Variants in MAP2K5 observed in about 807,000 individuals in gnomAD.
MAP2K5 encodes mitogen-activated protein kinase kinase 5, also known as dual specificity mitogen-activated protein kinase kinase 5.
A neutral mutation model predicts 83.1 loss-of-function variants in MAP2K5; 49 were observed. The ratio of observed to expected loss-of-function variants is 0.59; its 90% CI spans 0.47 to 0.75. MAP2K5 has a LOEUF of 0.75. Among genes scored for constraint, MAP2K5 ranks in the 30% least tolerant of loss-of-function variants. MAP2K5 has a pLI of 0.00. For missense variants in MAP2K5, 457 were observed against 557.5 expected, an observed-to-expected ratio of 0.82 and a Z score of 1.82; for synonymous variants, 202 against 191.8, an observed-to-expected ratio of 1.05 and a Z score of -0.44.
At chr15:67,566,450 A>G (rs1021125757) in intron 3 of MAP2K5, among the ~76,000 whole-genome samples, 5 of 152,230 alleles carry the variant, frequency 3.3e-5, no homozygotes, top group African/African-American at 1.2e-4. Flanking sequence ...TGCTGGGATT[A>G]CAGGCATGAG....
At chr15:67,574,736 G>C (rs1181351469) in intron 3 of MAP2K5, among the ~76,000 whole-genome samples, 1 of 151,472 alleles carries the variant, frequency 6.6e-6, no homozygotes, top group South Asian at 2.1e-4. Context: ...GCGTGGTGTC[G>C]GGCGCCTGTA....
At chr15:67,645,002 G>C (rs1406116777) in intron 9 of MAP2K5, among the ~76,000 whole-genome samples, 1 of 151,212 alleles carries the variant, frequency 6.6e-6, no homozygotes, top group Non-Finnish European at 1.5e-5. Flanking sequence ...ACAAAAATTA[G>C]CCAGGTGTGG....
intron 3 of MAP2K5, among the ~76,000 whole-genome samples, chr15:67,567,943 T>C (rs1208463928): frequency 6.6e-6 from 1 of 152,204 alleles, no homozygotes; most frequent in East Asian, 1.9e-4. Flanking sequence ...CCTCTTCTTT[T>C]GGGTGACCTT....
chr15:67,704,652 C>T (rs2088506533), intron 16 of MAP2K5, among the ~76,000 whole-genome samples: 1 of 152,130 alleles, frequency 6.6e-6, no homozygotes, highest in African/African-American at 2.4e-5. Flanking sequence ...AGAGGAAATA[C>T]AATATGTATG....
chr15:67,651,815 A>C (rs1216631333), intron 11 of MAP2K5, among the ~76,000 whole-genome samples: 7 of 152,212 alleles, frequency 4.6e-5, no homozygotes, highest in Non-Finnish European at 8.8e-5. Context: ...GTGCTGCAGT[A>C]AACATTAGAG....
Position 67,572,734 on chromosome 15 carries a change from C to G in MAP2K5, c.253-8020C>G, listed in dbSNP as rs989690585. On this transcript the variant is annotated intron_variant, in intron 3 of 21. Transcript: ENST00000178640. This position sits in a 1 kb window ranked among gnomAD's most constrained non-coding sequence, Gnocchi z 4.2. The stretch of plus-strand genomic sequence containing the variant: ...TTTTTTTTTGAGATGGAGTCTTGCT[C>G]TGTTGCCCAGGCTGGAGTGCAGTGG... 2.0e-5 allele frequency among the ~76,000 whole-genome samples: 3 copies of G among 151,564 alleles called. No homozygotes were observed. Among genetic ancestry groups the G allele is most frequent in the Non-Finnish European group, 4.4e-5 (3 of 67,952 alleles).
intron 16 of MAP2K5, among the ~76,000 whole-genome samples, chr15:67,709,780 G>T (rs1042993345): frequency 3.3e-5 from 5 of 152,140 alleles, no homozygotes; most frequent in Admixed American, 1.3e-4. Flanking sequence ...TTTTAAGTGG[G>T]TCCTTCTTGA....
At chr15:67,556,698 C>T (rs979347393) in intron 2 of MAP2K5, among the ~76,000 whole-genome samples, 52 of 151,972 alleles carry the variant, frequency 3.4e-4, no homozygotes, top group African/African-American at 1.2e-3. Flanking sequence ...ATTACAGGTG[C>T]CCACCACCAT....
Position 67,644,132 on chromosome 15 carries a change from G to A in MAP2K5, c.586-2099G>A, listed in dbSNP as rs181355562. ...AAACAAGCTGGGCACGGTGGCTCAC[G>A]CCTGTAATCCCAGCACTTTGGGAGG... is the stretch of plus-strand genomic sequence containing the variant. On this transcript the variant is annotated intron_variant, in intron 9 of 21. Coordinates refer to ENST00000178640, the MANE Select transcript of MAP2K5 (RefSeq NM_145160.3). This position sits in a 1 kb window ranked among gnomAD's most constrained non-coding sequence, Gnocchi z 4.6. Among the ~76,000 whole-genome samples the A allele has an allele frequency of 1.2e-3, 176 of 152,268 alleles. No individual in the cohort carries two copies. The highest frequency in any genetic ancestry group is 4.1e-3 in the African/African-American group (171 of 41,562).
chr15:67,772,313 C>T (rs1441485727), intron 20 of MAP2K5, among the ~76,000 whole-genome samples: 1 of 150,702 alleles, frequency 6.6e-6, no homozygotes, highest in Non-Finnish European at 1.5e-5. Flanking sequence ...ATCCCAATTA[C>T]CAAAAAAAAA....
rs2087364345 is a variant in MAP2K5, at chr15:67,665,869, T to C, written c.847+1224T>C. On this transcript the variant is annotated intron_variant, in intron 13 of 21. Transcript: ENST00000178640. The surrounding 1 kb of genome is among the most constrained non-coding windows in gnomAD (Gnocchi z 4.2). ...TTGGTGGATGAAAAAAAATTGAACA[T>C]TTTTGACTACCAAGAGTAAGAGATA... 6.6e-6 allele frequency among the ~76,000 whole-genome samples: 1 copy of C among 152,112 alleles called. No homozygotes were observed. The highest frequency in any genetic ancestry group is 6.6e-5 in the Admixed American group (1 of 15,262).
At chr15:67,651,589 T>C (rs2086955180) in intron 11 of MAP2K5, among the ~76,000 whole-genome samples, 1 of 152,204 alleles carries the variant, frequency 6.6e-6, no homozygotes, top group Non-Finnish European at 1.5e-5. Context: ...AATCATTTGT[T>C]TTTGGCTCCC....
chr15:67,611,127 T>C (rs1410536042), intron 8 of MAP2K5, among the ~76,000 whole-genome samples: 1 of 152,224 alleles, frequency 6.6e-6, no homozygotes, highest in Non-Finnish European at 1.5e-5. Context: ...TGTATCAATA[T>C]ACTTAGCCAA....
At chr15:67,627,956 C>A in intron 8 of MAP2K5, 1 of 765,702 alleles carries the variant, frequency 1.3e-6, no homozygotes. Flanking sequence ...CCATTTTAAG[C>A]AATGGGGAAC....
intron 6 of MAP2K5, among the ~76,000 whole-genome samples, chr15:67,588,741 T>C (rs537876213): frequency 1.6e-4 from 25 of 152,362 alleles, no homozygotes; most frequent in Non-Finnish European, 3.1e-4. Flanking sequence ...TTCTCTTCTT[T>C]GGATATCTCA....
intron 14 of MAP2K5, 143 bp from the exon 15 acceptor site, chr15:67,693,375 G>T (rs1010514340): frequency 2.0e-5 from 13 of 648,736 alleles, no homozygotes; most frequent in African/African-American, 1.9e-4. Flanking sequence ...CATTTTTATT[G>T]CCTTTGTAGA....
chr15:67,734,868 C>T (rs1322164903), intron 17 of MAP2K5, among the ~76,000 whole-genome samples: 1 of 152,144 alleles, frequency 6.6e-6, no homozygotes, highest in Non-Finnish European at 1.5e-5. Flanking sequence ...TCACCCCAAA[C>T]TTCAAGTACT....
intron 11 of MAP2K5, among the ~76,000 whole-genome samples, chr15:67,657,835 A>T (rs1434865537): frequency 1.3e-5 from 2 of 152,072 alleles, no homozygotes; most frequent in Non-Finnish European, 2.9e-5. Flanking sequence ...TCTGATGTTT[A>T]GCTTTATGAA....
Position 67,676,444 on chromosome 15 carries a change from T to G in MAP2K5, c.847+11799T>G, listed in dbSNP as rs942263927. 6.6e-6 allele frequency among the ~76,000 whole-genome samples: 1 copy of G among 152,126 alleles called. No individual in the cohort carries two copies. The highest frequency in any genetic ancestry group is 2.4e-5 in the African/African-American group (1 of 41,420). ...AGTAAGAGATTTATCCTTGGGACAT[T>G]TTGCCAAGCAGAATGGACAGACAGC... is the stretch of plus-strand genomic sequence containing the variant. On this transcript the variant is annotated intron_variant, in intron 13 of 21. Transcript: ENST00000178640. This position sits in a 1 kb window ranked among gnomAD's most constrained non-coding sequence, Gnocchi z 4.8.
Sources: gnomAD v4.1 joint callset for allele counts (sites outside exome capture counted in the v4.1 genomes callset) on GRCh38, gnomAD v4.1.1 for gene constraint, Gnocchi (gnomAD v3.1) non-coding constraint, MANE v1.5 for transcripts, NCBI Gene and HGNC (gene_info 2026-07-23, HGNC 2026-07-21) for gene names.